Variants in REPS2 observed in about 807,000 individuals in gnomAD.
REPS2 encodes the protein RALBP1 associated Eps domain containing 2, also known as ralBP1-associated Eps domain-containing protein 2.
Under a neutral mutation model 53.6 loss-of-function variants are expected in REPS2, and 23 were observed. The ratio of observed to expected loss-of-function variants is 0.43; its 90% CI spans 0.31 to 0.61. The LOEUF (loss-of-function observed/expected upper bound fraction) is 0.61. Among genes scored for constraint, REPS2 ranks in the 20% least tolerant of loss-of-function variants. REPS2 has a pLI of 0.11. For synonymous variants in REPS2, 238 were observed against 218.6 expected (o/e 1.09, Z -0.78); for missense variants, 446 against 534.9 (o/e 0.83, Z 1.64).
chrX:16,999,084 G>A (rs1245204041), intron 1 of REPS2, among the ~76,000 whole-genome samples: 1 of 112,254 alleles, frequency 8.9e-6, no homozygotes, highest in East Asian at 2.8e-4. Flanking sequence ...TATGGCAAAT[G>A]TCCACTAGAG....
intron 14 of REPS2, 74 bp from the exon 15 acceptor site, chrX:17,133,750 C>T: frequency 1.1e-6 from 1 of 907,164 alleles, no homozygotes; most frequent in Non-Finnish European, 1.6e-6. Context: ...GACTATCTTC[C>T]TAAGTGCTCT....
chrX:17,195,451 G>A, the REPS2 span, among the ~76,000 whole-genome samples: 2,028 of 111,895 alleles, frequency 0.018, 17 homozygotes, highest in South Asian at 0.028. Flanking sequence ...AAAATGTTGA[G>A]CACCTTGGCA....
intron 1 of REPS2, among the ~76,000 whole-genome samples, chrX:16,974,560 G>A (rs746930214): frequency 4.5e-5 from 5 of 110,299 alleles, no homozygotes; most frequent in Middle Eastern, 4.2e-3. Flanking sequence ...CAAGAGAATC[G>A]CTTGAACCCG....
chrX:16,977,004 A>T (rs2060963328), intron 1 of REPS2, among the ~76,000 whole-genome samples: 1 of 111,676 alleles, frequency 9.0e-6, no homozygotes, highest in African/African-American at 3.3e-5. Flanking sequence ...CTCTTGAAAG[A>T]TTAGCATATT....
At chrX:17,017,556 GATATAT>G (rs756415128) in intron 2 of REPS2, among the ~76,000 whole-genome samples, 1 of 105,644 alleles carries the variant, frequency 9.5e-6, no homozygotes. Flanking sequence ...TGGTTACAGG[GATATAT>G]ATATATATAT....
At chrX:17,135,713 T>G (rs2063357516) in intron 16 of REPS2, 1 of 232,661 alleles carries the variant, frequency 4.3e-6, no homozygotes, top group South Asian at 2.2e-4. Flanking sequence ...GGCCCAAATT[T>G]TCCTGGCAAG....
intron 14 of REPS2, among the ~76,000 whole-genome samples, chrX:17,106,415 CTT>C (rs1228397463): frequency 8.0e-5 from 8 of 100,196 alleles, no homozygotes; most frequent in East Asian, 3.1e-4. Flanking sequence ...CCTGAAGTAA[CTT>C]TTTTTTTTTT....
intron 1 of REPS2, among the ~76,000 whole-genome samples, chrX:16,957,618 T>C (rs2060612520): frequency 8.9e-6 from 1 of 112,216 alleles, no homozygotes; most frequent in African/African-American, 3.2e-5. Flanking sequence ...GTTTTGTTTT[T>C]TGGACTTCTT....
At chrX:17,137,853 C>T (rs2063392550) in intron 16 of REPS2, 1 of 112,114 alleles carries the variant, frequency 8.9e-6, no homozygotes. Context: ...AAGTGATCAT[C>T]CTGCCTCAAC....
intron 3 of REPS2, among the ~76,000 whole-genome samples, chrX:17,024,286 C>G (rs1327464635): frequency 1.9e-5 from 2 of 103,578 alleles, no homozygotes; most frequent in East Asian, 6.0e-4. Context: ...GACCCTGTCT[C>G]AAACAAACAA....
At chrX:17,116,531 T>C (rs762645134) in intron 14 of REPS2, among the ~76,000 whole-genome samples, 1 of 112,123 alleles carries the variant, frequency 8.9e-6, no homozygotes, top group South Asian at 3.7e-4. Context: ...ATTTATGTTG[T>C]GATCTTTCTG....
At chrX:17,182,140 G>GTCTATCTATCTATCTA in the REPS2 span, among the ~76,000 whole-genome samples, 2 of 101,225 alleles carry the variant, frequency 2.0e-5, no homozygotes, top group Non-Finnish European at 4.0e-5. Context: ...TGCTCTATCT[G>GTCTATCTATCTATCTA]TCTATCTATC....
intron 17 of REPS2, among the ~76,000 whole-genome samples, chrX:17,139,278 G>A (rs1036519790): frequency 4.5e-5 from 5 of 112,058 alleles, no homozygotes; most frequent in African/African-American, 1.6e-4. Flanking sequence ...TTCATATTGT[G>A]TATGAGTTAA....
chrX:17,045,074 C>T (rs1027191561), intron 5 of REPS2, among the ~76,000 whole-genome samples: 7 of 110,052 alleles, frequency 6.4e-5, no homozygotes, highest in African/African-American at 1.6e-4. Context: ...GGATTACAGG[C>T]GCCTGCCACC....
intron 5 of REPS2, among the ~76,000 whole-genome samples, chrX:17,045,856 G>A (rs2061897920): frequency 9.0e-6 from 1 of 110,892 alleles, no homozygotes; most frequent in Non-Finnish European, 1.9e-5. Flanking sequence ...ACATCTCAAG[G>A]TTTTACAGTA....
intron 14 of REPS2, 49 bp downstream of exon 14, chrX:17,103,828 G>T: frequency 9.1e-7 from 1 of 1,102,235 alleles, no homozygotes; most frequent in Non-Finnish European, 1.3e-6. Flanking sequence ...TAGGGAAGTT[G>T]TCCTATCGCT....
intron 1 of REPS2, among the ~76,000 whole-genome samples, chrX:16,981,927 A>G (rs903202107): frequency 9.0e-6 from 1 of 111,386 alleles, no homozygotes; most frequent in African/African-American, 3.3e-5. Flanking sequence ...ATTACCCCCA[A>G]CAAGAAACCT....
chrX:16,957,380 A>G (rs1373963151), intron 1 of REPS2, among the ~76,000 whole-genome samples: 3 of 107,340 alleles, frequency 2.8e-5, no homozygotes, highest in East Asian at 6.1e-4. Flanking sequence ...ACTGTACTCC[A>G]GCCTAGGCGA....
chrX:17,107,947 G>A (rs1215154815), intron 14 of REPS2, among the ~76,000 whole-genome samples: 1 of 111,024 alleles, frequency 9.0e-6, no homozygotes, highest in Non-Finnish European at 1.9e-5. Context: ...AGACGGTCTC[G>A]CTGTGTCACC....
Sources: gnomAD v4.1 joint callset for allele counts (sites outside exome capture counted in the v4.1 genomes callset) on GRCh38, gnomAD v4.1.1 for gene constraint, MANE v1.5 for transcripts, NCBI Gene and HGNC (gene_info 2026-07-23, HGNC 2026-07-21) for gene names.